Variants in BCL9 observed in about 807,000 individuals in gnomAD.
BCL9 encodes B-cell CLL/lymphoma 9 protein.
Under a neutral mutation model 88.5 loss-of-function variants are expected in BCL9, and 25 were observed. That is an observed-to-expected ratio of 0.28 (90% CI 0.21 to 0.39). The LOEUF is 0.39. Among genes scored for constraint, BCL9 ranks in the 10% least tolerant of loss-of-function variants. The pLI is 1.00. For missense variants in BCL9, 1,817 were observed against 1,877.8 expected, an observed-to-expected ratio of 0.97 and a Z score of 0.60; for synonymous variants, 711 against 673.3, an observed-to-expected ratio of 1.06 and a Z score of -0.87.
At chr1:147,622,189 C>T (rs1393878774) in intron 8 of BCL9, 82 bp from the exon 9 acceptor site, 13 of 1,544,120 alleles carry the variant, frequency 8.4e-6, no homozygotes, top group Non-Finnish European at 1.1e-5. Context: ...CCTGGCCTTG[C>T]TAGTTCATAA....
intron 1 of BCL9, among the ~76,000 whole-genome samples, chr1:147,549,336 A>T (rs1654781331): frequency 6.6e-6 from 1 of 151,012 alleles, no homozygotes; most frequent in Non-Finnish European, 1.5e-5. Flanking sequence ...CATGTTTCCC[A>T]CTCTTGGACC....
chr1:147,613,586 C>T (rs978352135), intron 5 of BCL9, among the ~76,000 whole-genome samples: 3 of 152,162 alleles, frequency 2.0e-5, no homozygotes, highest in African/African-American at 4.8e-5. Flanking sequence ...CCCTTCTCTT[C>T]TCCATCAGAG....
intron 1 of BCL9, among the ~76,000 whole-genome samples, chr1:147,556,631 T>C (rs1440746368): frequency 6.6e-6 from 1 of 151,794 alleles, no homozygotes; most frequent in African/African-American, 2.4e-5. Context: ...AATGTTTTTG[T>C]AGAGACAGGG....
chr1:147,619,400 C>T lies in BCL9; in HGVS notation c.1245C>T (p.Ser415=). ...AGGCCATGATGGCCCAATCCCAAAG[C>T]CTAGGTAAGGGACCTGGGCCCCGGA... The part of the protein sequence containing the change: ...PIQAMMAQSQ[S]LGKGPGPRTD... The change falls in exon 8 of 10, where the codon AGC becomes AGT. Residue 415 remains serine, a synonymous_variant. Coordinates refer to ENST00000234739, the MANE Select transcript of BCL9 (RefSeq NM_004326.4). This position sits in a 1 kb window ranked among gnomAD's most constrained non-coding sequence, Gnocchi z 4.1. The T allele has an allele frequency of 1.2e-6, 2 of 1,614,106 alleles. No individual in the cohort carries two copies. Among genetic ancestry groups the T allele is most frequent in the South Asian group, 1.1e-5 (1 of 91,084 alleles).
At chr1:147,551,243 T>C (rs1193236511) in intron 1 of BCL9, among the ~76,000 whole-genome samples, 1 of 152,190 alleles carries the variant, frequency 6.6e-6, no homozygotes, top group Admixed American at 6.5e-5. Context: ...CATCATCCAA[T>C]TAGTAAGTGA....
rs782450372 is a variant in BCL9, at chr1:147,600,244, T to TGGCCCC, written c.-477-4525_-477-4520dup. 940 of 162,134 alleles carry TGGCCCC rather than the reference T, an allele frequency of 5.8e-3. 8 individuals are homozygous for TGGCCCC. The highest frequency in any genetic ancestry group is 9.2e-3 in the Non-Finnish European group (705 of 76,658). 10.0% of individuals were successfully genotyped at this position (162,134 alleles called of 1,614,324 possible). On this transcript the variant is annotated intron_variant, in intron 1 of 9. Coordinates refer to ENST00000234739, the MANE Select transcript of BCL9 (RefSeq NM_004326.4). ...GGAGACGCTGCGCCGCCGCTGCCGC[T>TGGCCCC]GGCCCCGGCCCCGCGGGGCTGAGAG...
At chr1:147,599,565 G>A (rs1470969247) in intron 1 of BCL9, among the ~76,000 whole-genome samples, 3 of 152,172 alleles carry the variant, frequency 2.0e-5, no homozygotes, top group Admixed American at 6.5e-5. Flanking sequence ...GTGGGGAGGA[G>A]GGGACGGGAA....
At chr1:147,610,274 T>C (rs1553202462) in intron 3 of BCL9, among the ~76,000 whole-genome samples, 3 of 152,118 alleles carry the variant, frequency 2.0e-5, no homozygotes, top group Non-Finnish European at 1.5e-5. Flanking sequence ...GAGGTCAGCA[T>C]AGAAACATTC....
intron 1 of BCL9, among the ~76,000 whole-genome samples, chr1:147,567,643 C>T (rs1165120299): frequency 6.6e-6 from 1 of 152,136 alleles, no homozygotes; most frequent in Non-Finnish European, 1.5e-5. Flanking sequence ...GTAACTGACC[C>T]TCAATGAGAA....
At chr1:147,610,571 A>T (rs1223092028) in intron 3 of BCL9, among the ~76,000 whole-genome samples, 3 of 152,210 alleles carry the variant, frequency 2.0e-5, no homozygotes, top group African/African-American at 7.2e-5. Context: ...TTGGTTCTGT[A>T]GTCACTAGTC....
intron 9 of BCL9, among the ~76,000 whole-genome samples, chr1:147,622,950 C>G (rs1658719094): frequency 7.4e-6 from 1 of 134,726 alleles, no homozygotes; most frequent in African/African-American, 2.9e-5. Flanking sequence ...GTGGAAAGCC[C>G]CTGTTTCCTA....
chr1:147,599,790 G>T (rs967926340), intron 1 of BCL9, among the ~76,000 whole-genome samples: 1 of 151,692 alleles, frequency 6.6e-6, no homozygotes, highest in Non-Finnish European at 1.5e-5. Context: ...CGGGGCGGCG[G>T]GAGGTGCGGC....
At chr1:147,574,654 G>A (rs1265820999) in intron 1 of BCL9, among the ~76,000 whole-genome samples, 2 of 152,140 alleles carry the variant, frequency 1.3e-5, no homozygotes, top group African/African-American at 2.4e-5. Context: ...AGGAAGTGCC[G>A]AGTCCTCGAT....
At chr1:147,612,214 T>C (rs2101608586) in intron 4 of BCL9, among the ~76,000 whole-genome samples, 1 of 152,312 alleles carries the variant, frequency 6.6e-6, no homozygotes, top group East Asian at 1.9e-4. Flanking sequence ...AACTGAGGCC[T>C]GGAATGGTGA....
In BCL9 at chr1:147,614,551, G is replaced by A. The variant is rs782076994; in HGVS notation, c.495G>A (p.Glu165=). Residue 165 remains glutamate, a synonymous_variant, in exon 6 of 10, where the codon GAG becomes GAA. Transcript: ENST00000234739. ...TPSHGQTTAT[E]PTPAQKTPAK... ...CCCATGGCCAAACTACTGCCACAGA[G>A]CCCACACCTGCTCAGAAGACTCCAG... The A allele has an allele frequency of 1.7e-5, 28 of 1,613,756 alleles. No individual in the cohort carries two copies. Among genetic ancestry groups the A allele is most frequent in the Non-Finnish European group, 2.3e-5 (27 of 1,179,982 alleles).
At chr1:147,550,526 A>G (rs1654842915) in intron 1 of BCL9, among the ~76,000 whole-genome samples, 1 of 152,212 alleles carries the variant, frequency 6.6e-6, no homozygotes, top group South Asian at 2.1e-4. Context: ...CATTTCATGT[A>G]TTTATCAAAA....
chr1:147,547,170 T>C lies in BCL9; in HGVS notation c.-478+5496T>C, dbSNP rs116591457. Among the ~76,000 whole-genome samples the C allele has an allele frequency of 2.3e-3, 356 of 152,264 alleles. 2 individuals carry two copies. Among genetic ancestry groups the C allele is most frequent in the African/African-American group, 8.1e-3 (336 of 41,540 alleles). On this transcript the variant is annotated intron_variant, in intron 1 of 9. Transcript: ENST00000234739. ...AAAGAGATTATTGAAGACTTGCTGA[T>C]ATGTTACGTATGTGTATGTGTGTAT...
chr1:147,577,834 ATGTGTGTGTGTG>A (rs67428703), intron 1 of BCL9, among the ~76,000 whole-genome samples: 5 of 141,072 alleles, frequency 3.5e-5, no homozygotes, highest in East Asian at 2.2e-4. Flanking sequence ...TTTTCTACCA[ATGTGTGTGTGTG>A]TGTGTGTGTG....
rs1658682146 is a variant in BCL9, at chr1:147,622,202, A to T, written c.2903-69A>T. The T allele has an allele frequency of 7.0e-6, 11 of 1,581,938 alleles. No homozygotes were observed. In the Admixed American group the frequency reaches 1.9e-4, roughly 27 times the overall value. On this transcript the variant is annotated intron_variant, in intron 8 of 9. Transcript: ENST00000234739. Reference sequence around the variant, plus strand: ...TTCCTGGCCTTGCTAGTTCATAATCATAGGGCCCAATACCCTTCAAAAGGA... The same window carrying T: ...TTCCTGGCCTTGCTAGTTCATAATCTTAGGGCCCAATACCCTTCAAAAGGA...
Sources: gnomAD v4.1 joint callset for allele counts (sites outside exome capture counted in the v4.1 genomes callset) on GRCh38, gnomAD v4.1.1 for gene constraint, Gnocchi (gnomAD v3.1) non-coding constraint, MANE v1.5 for transcripts, NCBI Gene and HGNC (gene_info 2026-07-23, HGNC 2026-07-21) for gene names.